Variants in RARB observed in about 807,000 individuals in gnomAD.
RARB encodes retinoic acid receptor beta.
In RARB, 17 loss-of-function variants were observed where a neutral mutation model predicts 51.9. The ratio of observed to expected loss-of-function variants is 0.33; its 90% CI spans 0.22 to 0.49. The LOEUF (loss-of-function observed/expected upper bound fraction) is 0.49. Among genes scored for constraint, RARB ranks in the 20% least tolerant of loss-of-function variants. RARB has a pLI of 0.99. For synonymous variants in RARB, 215 were observed against 195.4 expected (o/e 1.10, Z -0.84); for missense variants, 369 against 550.8 (o/e 0.67, Z 3.30).
At chr3:24,889,698 G>C (rs1703340213) in intron 2 of RARB, among the ~76,000 whole-genome samples, 2 of 147,190 alleles carry the variant, frequency 1.4e-5, no homozygotes, top group Admixed American at 6.7e-5. Flanking sequence ...GTGTGTGTGT[G>C]TGTGTGTGTG....
chr3:25,253,001 G>C (rs1011250632), intron 5 of RARB, among the ~76,000 whole-genome samples: 4 of 152,140 alleles, frequency 2.6e-5, no homozygotes, highest in Non-Finnish European at 4.4e-5. Flanking sequence ...ACCAATTTAT[G>C]TGTCTGTGAC....
intron 5 of RARB, among the ~76,000 whole-genome samples, chr3:25,196,125 G>T (rs1701227838): frequency 6.6e-6 from 1 of 151,928 alleles, no homozygotes; most frequent in Non-Finnish European, 1.5e-5. Context: ...CAAAGTACAG[G>T]TTTATTATGT....
chr3:25,206,538 C>A lies in RARB; in HGVS notation c.178+31963C>A, dbSNP rs535767099. 5.3e-5 allele frequency among the ~76,000 whole-genome samples: 8 copies of A among 152,220 alleles called. No homozygotes were observed. The South Asian group carries it at 1.2e-3, about 24-fold the overall frequency. ...TTCATTTTGAACCTTTCGAGAAAAT[C>A]TTTTGAGGTCATTCCCTGTGCCCAT... On this transcript the variant is annotated intron_variant, in intron 5 of 11. Coordinates refer to the RARB transcript ENST00000383772.
chr3:25,031,017 C>CAGTA (rs1428630261), intron 2 of RARB, among the ~76,000 whole-genome samples: 2 of 152,156 alleles, frequency 1.3e-5, no homozygotes, highest in Non-Finnish European at 2.9e-5. Flanking sequence ...TCATGGGCCA[C>CAGTA]AGTAGGGTTT....
intron 5 of RARB, among the ~76,000 whole-genome samples, chr3:25,286,266 T>A (rs751618410): frequency 3.3e-5 from 5 of 151,926 alleles, no homozygotes; most frequent in Non-Finnish European, 5.9e-5. Context: ...TTTTTTGTAT[T>A]TTGAGCAGAG....
intron 5 of RARB, among the ~76,000 whole-genome samples, chr3:25,389,129 T>C (rs1007531279): frequency 1.3e-5 from 2 of 152,190 alleles, no homozygotes; most frequent in African/African-American, 4.8e-5. Context: ...ATGCAGAGCC[T>C]GTGGAAGAGG....
chr3:24,994,575 TAATGTCCTGA>T (rs1024471095), intron 2 of RARB, among the ~76,000 whole-genome samples: 2 of 152,190 alleles, frequency 1.3e-5, no homozygotes, highest in African/African-American at 4.8e-5. Flanking sequence ...TTTCCCAGAC[TAATGTCCTGA>T]AGTGTTTCCC....
chr3:25,382,672 A>G (rs879539313), intron 5 of RARB, among the ~76,000 whole-genome samples: 37 of 152,320 alleles, frequency 2.4e-4, no homozygotes, highest in Non-Finnish European at 4.4e-4. Context: ...CCTGGCCAAC[A>G]TGGTGAAGCC....
chr3:25,279,487 C>G (rs980579478), intron 5 of RARB, among the ~76,000 whole-genome samples: 5 of 151,752 alleles, frequency 3.3e-5, no homozygotes, highest in Non-Finnish European at 7.4e-5. Flanking sequence ...GAAAGGGACT[C>G]TTGATTGAGA....
At chr3:25,090,968 C>T (rs993017168) in intron 3 of RARB, among the ~76,000 whole-genome samples, 1 of 152,094 alleles carries the variant, frequency 6.6e-6, no homozygotes, top group African/African-American at 2.4e-5. Context: ...TGGCTGTGTT[C>T]CAGAAAAGCT....
intron 5 of RARB, among the ~76,000 whole-genome samples, chr3:25,250,860 A>G (rs773044985): frequency 1.3e-5 from 2 of 152,178 alleles, no homozygotes; most frequent in Admixed American, 6.5e-5. Context: ...GAGACTCCAC[A>G]GTGGCTAAGA....
At chr3:24,878,360 T>G (rs1054936524) in intron 2 of RARB, among the ~76,000 whole-genome samples, 8 of 149,078 alleles carry the variant, frequency 5.4e-5, no homozygotes, top group Non-Finnish European at 1.0e-4. Context: ...TTCCAAGTTG[T>G]GATTTTTTTT....
At chr3:25,424,448 C>G (rs1372438394), upstream of RARB, among the ~76,000 whole-genome samples, 1 of 152,214 alleles carries the variant, frequency 6.6e-6, no homozygotes, top group Non-Finnish European at 1.5e-5. Context: ...CTCGTGCTGC[C>G]AACATCTCTG....
chr3:25,368,835 CAG>C (rs1329383936), intron 5 of RARB, among the ~76,000 whole-genome samples: 1 of 152,194 alleles, frequency 6.6e-6, no homozygotes, highest in Non-Finnish European at 1.5e-5. Flanking sequence ...CAGATTCTAA[CAG>C]ATGATTTAGA....
chr3:25,401,375 A>G (rs1452661606), intron 5 of RARB, among the ~76,000 whole-genome samples: 3 of 152,138 alleles, frequency 2.0e-5, no homozygotes, highest in African/African-American at 7.2e-5. Context: ...TTTCATCTAG[A>G]GCCTTTATAA....
intron 2 of RARB, among the ~76,000 whole-genome samples, chr3:24,926,491 A>G (rs1010605247): frequency 3.3e-5 from 5 of 152,114 alleles, no homozygotes; most frequent in African/African-American, 1.2e-4. Flanking sequence ...ACCATTATCT[A>G]TAGATAGTGC....
intron 1 of RARB, among the ~76,000 whole-genome samples, chr3:25,455,544 G>T (rs17016431): frequency 0.064 from 9,791 of 152,220 alleles, 446 homozygotes; most frequent in Admixed American, 0.13. Context: ...TTGTGGGGGT[G>T]GAGATGTCTA....
chr3:25,452,927 G>A (rs1709258537), intron 1 of RARB, among the ~76,000 whole-genome samples: 1 of 152,102 alleles, frequency 6.6e-6, no homozygotes, highest in Admixed American at 6.5e-5. Context: ...CCAACTAAAA[G>A]CCACTGCCAA....
At chr3:24,832,627 CAATATA>C (rs1283355582) in intron 1 of RARB, among the ~76,000 whole-genome samples, 1 of 79,454 alleles carries the variant, frequency 1.3e-5, no homozygotes, top group Non-Finnish European at 2.4e-5. Context: ...AATTGAGTCC[CAATATA>C]TATATATATA....
Sources: allele counts gnomAD v4.1 joint callset (sites outside exome capture counted in the v4.1 genomes callset), GRCh38; gene constraint gnomAD v4.1.1; transcripts MANE v1.5; gene names NCBI Gene and HGNC (gene_info 2026-07-23, HGNC 2026-07-21).